The following ITGBL1 variants were observed in gnomAD, a reference collection of about 807,000 sequenced individuals.
ITGBL1 encodes integrin subunit beta like 1.
In ITGBL1, 51 loss-of-function variants were observed where a neutral mutation model predicts 68.5. That is an observed-to-expected ratio of 0.74 (90% CI 0.59 to 0.94). ITGBL1 has a LOEUF of 0.94. Ranked by LOEUF, ITGBL1 falls within the 40% of genes least tolerant of loss-of-function variation. ITGBL1 has a pLI of 0.00. For synonymous variants in ITGBL1, 209 were observed against 227.3 expected, an observed-to-expected ratio of 0.92 and a Z score of 0.72; for missense variants, 649 against 647.4, an observed-to-expected ratio of 1.00 and a Z score of -0.03.
chr13:101,572,790 A>G (rs899676175), intron 3 of ITGBL1, among the ~76,000 whole-genome samples: 1 of 152,028 alleles, frequency 6.6e-6, no homozygotes, highest in Non-Finnish European at 1.5e-5. Flanking sequence ...GGAGTCATAG[A>G]ATTTGGAGGC....
At chr13:101,645,018 A>G (rs1473673739) in intron 7 of ITGBL1, among the ~76,000 whole-genome samples, 1 of 152,166 alleles carries the variant, frequency 6.6e-6, no homozygotes, top group Non-Finnish European at 1.5e-5. Context: ...CTCAGGAATA[A>G]TTTTTGACTC....
intron 2 of ITGBL1, among the ~76,000 whole-genome samples, chr13:101,463,716 A>T (rs1408911527): frequency 6.6e-6 from 1 of 152,086 alleles, no homozygotes; most frequent in Non-Finnish European, 1.5e-5. Flanking sequence ...AAATAGGTTG[A>T]TCCCAGAAAC....
At chr13:101,644,272 A>G (rs1170817023) in intron 7 of ITGBL1, among the ~76,000 whole-genome samples, 1 of 152,212 alleles carries the variant, frequency 6.6e-6, no homozygotes, top group Admixed American at 6.5e-5. Context: ...ACCAGAATAT[A>G]AAACAGTGGA....
chr13:101,638,969 T>G (rs1594946668), intron 7 of ITGBL1, among the ~76,000 whole-genome samples: 1 of 152,170 alleles, frequency 6.6e-6, no homozygotes, highest in South Asian at 2.1e-4. Flanking sequence ...TTTTTTGAAA[T>G]GGTAAAAAGT....
In ITGBL1 at chr13:101,575,544, G is replaced by C; in HGVS notation, c.584G>C (p.Gly195Ala). Residue 195 changes from glycine (G) to alanine (A), a missense_variant and splice_region_variant, in exon 4 of 11, where the codon GGA becomes GCA. Transcript: ENST00000376180. ...GACGATGAAACAGAAGAAATATGTG[G>C]AGGTATGTATATTGGCTCTGTAGAA... Reference protein sequence around the residue: ...CIDDETEEICGGHGKCYCGNC... With the variant: ...CIDDETEEICAGHGKCYCGNC... 2 of 1,612,018 alleles carry C rather than the reference G, an allele frequency of 1.2e-6. No individual in the cohort carries two copies. The highest frequency in any genetic ancestry group is 1.7e-6 in the Non-Finnish European group (2 of 1,178,502).
downstream of ITGBL1, chr13:101,718,236 TTGTGTGTGTA>T (rs1461674852): frequency 3.3e-5 from 5 of 152,050 alleles, no homozygotes; most frequent in South Asian, 2.1e-4. Flanking sequence ...ATGTGTGTGT[TTGTGTGTGTA>T]TGTGTGGTTT....
intron 2 of ITGBL1, among the ~76,000 whole-genome samples, chr13:101,465,886 G>C (rs1226407919): frequency 6.6e-6 from 1 of 152,156 alleles, no homozygotes; most frequent in African/African-American, 2.4e-5. Context: ...TTTAGGTAAA[G>C]GCATCTGAAA....
At chr13:101,482,382 CT>C (rs1401603585) in intron 2 of ITGBL1, among the ~76,000 whole-genome samples, 2 of 151,014 alleles carry the variant, frequency 1.3e-5, no homozygotes, top group Non-Finnish European at 2.9e-5. Context: ...ACTTATCTGC[CT>C]TGTTAATTAT....
intron 7 of ITGBL1, among the ~76,000 whole-genome samples, chr13:101,616,835 C>A (rs972634191): frequency 4.6e-5 from 7 of 152,088 alleles, no homozygotes; most frequent in African/African-American, 1.4e-4. Context: ...GCTTCCTTGG[C>A]CAGAATAATC....
intron 2 of ITGBL1, among the ~76,000 whole-genome samples, chr13:101,561,221 G>T (rs2050094847): frequency 6.6e-6 from 1 of 152,144 alleles, no homozygotes; most frequent in Non-Finnish European, 1.5e-5. Context: ...ACCCTCTTCA[G>T]ATTTGTATCT....
chr13:101,653,770 C>A (rs2032829488), intron 7 of ITGBL1, among the ~76,000 whole-genome samples: 1 of 151,778 alleles, frequency 6.6e-6, no homozygotes, highest in South Asian at 2.1e-4. Flanking sequence ...CTCACTGCAA[C>A]CTCTGCCTCC....
At position 101,692,600 on chromosome 13, in the gene ITGBL1, G is replaced by C; in HGVS notation, c.1031G>C (p.Gly344Ala). The C allele has an allele frequency of 6.2e-7, 1 of 1,612,564 alleles. No individual in the cohort carries two copies. Among genetic ancestry groups the C allele is most frequent in the Non-Finnish European group, 8.5e-7 (1 of 1,178,670 alleles). ...TACTTTCCAGGTAAATGTGAATGTG[G>C]CAAATGCACCTGCTATCCTCCAGGA... Reference protein sequence around the residue: ...PCSGRGKCECGKCTCYPPGDR... With the variant: ...PCSGRGKCECAKCTCYPPGDR... The change falls in exon 8 of 11, where the codon GGC becomes GCC. Residue 344 changes from glycine to alanine, a missense_variant. By Grantham distance (60) the Gly-to-Ala change is moderately conservative. Coordinates refer to ENST00000376180, the MANE Select transcript of ITGBL1 (RefSeq NM_004791.3).
intron 7 of ITGBL1, among the ~76,000 whole-genome samples, chr13:101,639,519 A>G (rs1167817580): frequency 6.6e-6 from 1 of 152,210 alleles, no homozygotes; most frequent in Non-Finnish European, 1.5e-5. Context: ...AAATATATAT[A>G]AGAAGAAGTT....
intron 2 of ITGBL1, among the ~76,000 whole-genome samples, chr13:101,478,408 T>C (rs1310249026): frequency 6.6e-6 from 1 of 152,100 alleles, no homozygotes; most frequent in East Asian, 1.9e-4. Context: ...AAGGCTTTCC[T>C]TGAAGATCAA....
At chr13:101,604,887 T>TATATATATACACATACATACAC in intron 7 of ITGBL1, among the ~76,000 whole-genome samples, 5 of 22,166 alleles carry the variant, frequency 2.3e-4, no homozygotes, top group African/African-American at 7.5e-4. Context: ...TATATATATA[T>TATATATATACACATACATACAC]ACACACACAC....
chr13:101,649,342 A>G (rs2032669266), intron 7 of ITGBL1, among the ~76,000 whole-genome samples: 1 of 152,130 alleles, frequency 6.6e-6, no homozygotes, highest in African/African-American at 2.4e-5. Flanking sequence ...GAAATCAGCA[A>G]CTTGCATTGG....
downstream of ITGBL1, chr13:101,717,743 A>G (rs1021149414): frequency 2.6e-5 from 4 of 152,126 alleles, no homozygotes; most frequent in African/African-American, 9.7e-5. Context: ...AGGCCATACA[A>G]AAGCAACTTA....
At chr13:101,581,366 A>C (rs946317619) in intron 5 of ITGBL1, among the ~76,000 whole-genome samples, 2 of 152,194 alleles carry the variant, frequency 1.3e-5, no homozygotes, top group Non-Finnish European at 1.5e-5. Context: ...AATAAAGTAG[A>C]GTACACAGAA....
chr13:101,642,531 T>G (rs1214336005), intron 7 of ITGBL1, among the ~76,000 whole-genome samples: 9 of 152,292 alleles, frequency 5.9e-5, no homozygotes, highest in African/African-American at 1.9e-4. Context: ...CACTCTGATG[T>G]TAGTGTCTTT....
Sources: gnomAD v4.1 joint callset for allele counts (sites outside exome capture counted in the v4.1 genomes callset) on GRCh38, gnomAD v4.1.1 for gene constraint, MANE v1.5 for transcripts, NCBI Gene and HGNC (gene_info 2026-07-23, HGNC 2026-07-21) for gene names.